CCPG1: variants seen among roughly 807,000 people sequenced by gnomAD.
CCPG1 encodes the protein cell cycle progression 1, also known as cell cycle progression protein 1.
In CCPG1, 46 loss-of-function variants were observed where a neutral mutation model predicts 81.3. The observed-to-expected ratio is 0.57, with a 90% CI of 0.45 to 0.72. The LOEUF (loss-of-function observed/expected upper bound fraction) is 0.72. CCPG1 is among the 30% of genes least tolerant of loss of function. The pLI is 0.00. For synonymous variants in CCPG1, 330 were observed against 305.2 expected, an observed-to-expected ratio of 1.08 and a Z score of -0.85; for missense variants, 902 against 937.6, an observed-to-expected ratio of 0.96 and a Z score of 0.50.
chr15:55,371,156 AAAAGT>A (rs1566970777), intron 6 of CCPG1, among the ~76,000 whole-genome samples: 1 of 152,330 alleles, frequency 6.6e-6, no homozygotes, highest in African/African-American at 2.4e-5. Context: ...TCCTAAATGA[AAAAGT>A]AAAGTAACAC....
At position 55,385,113 on chromosome 15, in the gene CCPG1, CAGGCTGATGACTCTG is replaced by C. The variant is rs1009377601; in HGVS notation, c.175+472_175+486del. 5.9e-5 allele frequency among the ~76,000 whole-genome samples: 9 copies of C among 152,146 alleles called. 1 individual carries two copies. In the South Asian group the frequency reaches 6.2e-4, roughly 10 times the overall value. Reference sequence around the variant, plus strand: ...TACAGCTGCAAATAAACCCCTGGGGCAGGCTGATGACTCTGGGTTCTGTGGGCCTTCACCAAATCC... The same window carrying C: ...TACAGCTGCAAATAAACCCCTGGGGCGGTTCTGTGGGCCTTCACCAAATCC... On this transcript the variant is annotated intron_variant, in intron 3 of 8. Coordinates refer to ENST00000442196, the MANE Select transcript of CCPG1 (RefSeq NM_001204450.2).
At chr15:55,400,784 G>A (rs945126446) in intron 1 of CCPG1, among the ~76,000 whole-genome samples, 1 of 152,098 alleles carries the variant, frequency 6.6e-6, no homozygotes, top group African/African-American at 2.4e-5. Flanking sequence ...TGCATCTTGT[G>A]TTTACTGGCT....
intron 3 of CCPG1, among the ~76,000 whole-genome samples, chr15:55,380,560 G>A (rs921873027): frequency 3.3e-5 from 5 of 151,698 alleles, no homozygotes; most frequent in African/African-American, 1.2e-4. Flanking sequence ...CACCCAAAGT[G>A]CTGGGATTAT....
At chr15:55,392,093 A>G (rs1272723980) in intron 1 of CCPG1, among the ~76,000 whole-genome samples, 1 of 152,002 alleles carries the variant, frequency 6.6e-6, no homozygotes, top group Admixed American at 6.6e-5. Context: ...AAAAAGGAAA[A>G]AGCATCACAC....
chr15:55,400,195 C>A (rs2057100880), intron 1 of CCPG1, among the ~76,000 whole-genome samples: 2 of 108,418 alleles, frequency 1.8e-5, no homozygotes, highest in Non-Finnish European at 3.5e-5. Flanking sequence ...GGACAAGATA[C>A]TCTACCTCAA....
At chr15:55,376,247 C>T (rs1275488241) in intron 5 of CCPG1, among the ~76,000 whole-genome samples, 4 of 152,168 alleles carry the variant, frequency 2.6e-5, no homozygotes, top group African/African-American at 9.7e-5. Context: ...GAACTTTATA[C>T]CTACATACTT....
intron 1 of CCPG1, among the ~76,000 whole-genome samples, chr15:55,405,267 C>A (rs142148180): frequency 6.6e-6 from 1 of 151,974 alleles, no homozygotes; most frequent in Non-Finnish European, 1.5e-5. Context: ...GAGGGTGAGG[C>A]GGGAGAACCA....
At chr15:55,402,522 C>T (rs998305157) in intron 1 of CCPG1, among the ~76,000 whole-genome samples, 8 of 152,204 alleles carry the variant, frequency 5.3e-5, no homozygotes, top group African/African-American at 1.9e-4. Context: ...AGCCACCACA[C>T]CCAGCCAATA....
intron 1 of CCPG1, 104 bp from the exon 2 acceptor site, chr15:55,389,537 G>C: frequency 1.0e-5 from 8 of 770,680 alleles, no homozygotes; most frequent in Non-Finnish European, 1.8e-5. Context: ...CTGTCTTCCA[G>C]GTGAAACAGA....
Position 55,381,278 on chromosome 15 carries a change from T to A in CCPG1, c.176-2902A>T, listed in dbSNP as rs531867035. ...GTGAAACCCCCGTCTCTACTAAAAATAAAAAATAAAAAAAAAATAGCTGGG... is the reference window on the plus strand; with the variant it reads ...GTGAAACCCCCGTCTCTACTAAAAAAAAAAAATAAAAAAAAAATAGCTGGG... On this transcript the variant is annotated intron_variant, in intron 3 of 8. Transcript: ENST00000442196. 1.6e-4 allele frequency among the ~76,000 whole-genome samples: 18 copies of A among 111,150 alleles called. No homozygotes were observed. The East Asian group carries it at 7.7e-3, about 48-fold the overall frequency. 72.9% of individuals were successfully genotyped at this position (111,150 alleles called of 152,430 possible).
intron 1 of CCPG1, among the ~76,000 whole-genome samples, chr15:55,397,399 T>C (rs1242535226): frequency 6.6e-6 from 1 of 151,214 alleles, no homozygotes; most frequent in Non-Finnish European, 1.5e-5. Context: ...GGCTACCTAC[T>C]GGGACAGCAT....
chr15:55,356,021 C>T lies in CCPG1; in HGVS notation c.*199G>A, dbSNP rs1012127201. The T allele has an allele frequency of 1.4e-5, 7 of 517,532 alleles. No homozygotes were observed. The highest frequency in any genetic ancestry group is 6.9e-5 in the East Asian group (2 of 29,150). 32.1% of individuals were successfully genotyped at this position (517,532 alleles called of 1,614,324 possible). A position where few individuals can be genotyped will look rare whatever the true frequency, so the allele number is the denominator to read the frequency against. ...ATTTCCAGTGTCAAAAAAAATTCAACGAAGCTAAACTACAGGAAAATGCAG... is the reference window on the plus strand; with the variant it reads ...ATTTCCAGTGTCAAAAAAAATTCAATGAAGCTAAACTACAGGAAAATGCAG... On this transcript the variant is annotated 3_prime_UTR_variant, in exon 9 of 9. Coordinates refer to ENST00000442196, the MANE Select transcript of CCPG1 (RefSeq NM_001204450.2).
intron 8 of CCPG1, 180 bp downstream of exon 8, chr15:55,359,359 T>G: frequency 7.3e-7 from 1 of 1,370,386 alleles, no homozygotes; most frequent in Non-Finnish European, 9.4e-7. Context: ...AAATGTTCCA[T>G]TTGTAACAGC....
chr15:55,383,945 G>C (rs2056751435), intron 3 of CCPG1, among the ~76,000 whole-genome samples: 1 of 152,192 alleles, frequency 6.6e-6, no homozygotes, highest in Non-Finnish European at 1.5e-5. Flanking sequence ...TCACTAAGAA[G>C]GACTTTTAAT....
chr15:55,379,076 T>C (rs1165582973), intron 3 of CCPG1, among the ~76,000 whole-genome samples: 3 of 144,354 alleles, frequency 2.1e-5, no homozygotes, highest in Non-Finnish European at 3.0e-5. Flanking sequence ...CTAAAGACCA[T>C]TCTAATGGCT....
At position 55,407,045 on chromosome 15, in the gene CCPG1, C is replaced by CCCCCCCG. The variant is rs1354700405; in HGVS notation, c.-10+1175_-10+1176insCGGGGGG. Among the ~76,000 whole-genome samples the CCCCCCCG allele has an allele frequency of 1.9e-4, 25 of 133,676 alleles. 1 individual carries two copies. Among genetic ancestry groups the CCCCCCCG allele is most frequent in the African/African-American group, 8.0e-4 (23 of 28,824 alleles). 87.7% of individuals were successfully genotyped at this position (133,676 alleles called of 152,430 possible). A position where few individuals can be genotyped will look rare whatever the true frequency, so the allele number is the denominator to read the frequency against. On this transcript the variant is annotated intron_variant, in intron 1 of 8. Transcript: ENST00000442196. Reference sequence around the variant, plus strand: ...CTGGCCGACACGTTGAGACCCCCCCCCCCGCCCCGCCGTCTCTACTAAAAA... The same window carrying CCCCCCCG: ...CTGGCCGACACGTTGAGACCCCCCCCCCCCCCGCCCGCCCCGCCGTCTCTACTAAAAA...
At position 55,385,587 on chromosome 15, in the gene CCPG1, G is replaced by C. The variant is rs758110414; in HGVS notation, c.175+13C>G. ...CATATTAAAAAAAAAATTAGAATTT[G>C]TGAACAACTTACCTCCTTGCTCTAT... On this transcript the variant is annotated intron_variant, in intron 3 of 8. Transcript: ENST00000442196. 2 of 1,385,518 alleles carry C rather than the reference G, an allele frequency of 1.4e-6. No individual in the cohort carries two copies. Among genetic ancestry groups the C allele is most frequent in the South Asian group, 2.5e-5 (2 of 79,120 alleles). 85.8% of individuals were successfully genotyped at this position (1,385,518 alleles called of 1,614,324 possible).
intron 5 of CCPG1, among the ~76,000 whole-genome samples, chr15:55,375,341 A>G (rs1272598338): frequency 6.6e-6 from 1 of 152,170 alleles, no homozygotes; most frequent in Non-Finnish European, 1.5e-5. Flanking sequence ...TCTGGCTTCA[A>G]TTTGACTTTT....
chr15:55,386,876 G>A (rs1481707134), intron 2 of CCPG1, among the ~76,000 whole-genome samples: 1 of 148,992 alleles, frequency 6.7e-6, no homozygotes, highest in Admixed American at 6.8e-5. Context: ...CAGCCTGGGC[G>A]ACAGAGCAAG....
Sources: allele counts gnomAD v4.1 joint callset (sites outside exome capture counted in the v4.1 genomes callset), GRCh38; gene constraint gnomAD v4.1.1; transcripts MANE v1.5; gene names NCBI Gene and HGNC (gene_info 2026-07-23, HGNC 2026-07-21).